DMD: variants seen among roughly 807,000 people sequenced by gnomAD.
DMD encodes the protein mutant dystrophin.
A neutral mutation model predicts 330.1 loss-of-function variants in DMD; 63 were observed. The ratio of observed to expected loss-of-function variants is 0.19; its 90% CI spans 0.16 to 0.24. DMD has a LOEUF of 0.24. Ranked by LOEUF, DMD falls within the 10% of genes least tolerant of loss-of-function variation. The pLI is 1.00. For synonymous variants in DMD, 1,223 were observed against 959.8 expected (o/e 1.27, Z -5.07); for missense variants, 3,344 against 2,684.1 (o/e 1.25, Z -5.43).
intron 1 of DMD, among the ~76,000 whole-genome samples, chrX:33,242,836 C>G (rs1388046626): frequency 9.0e-6 from 1 of 111,484 alleles, no homozygotes. Flanking sequence ...TTTGCATTTC[C>G]CTGATCATTA....
At chrX:31,744,934 T>C (rs187781330) in intron 51 of DMD, among the ~76,000 whole-genome samples, 120 of 112,328 alleles carry the variant, frequency 1.1e-3, no homozygotes, top group South Asian at 4.8e-3. Context: ...GAACTTTCAA[T>C]GCAGTTGGGG....
intron 9 of DMD, among the ~76,000 whole-genome samples, chrX:32,662,825 A>T (rs1348462064): frequency 1.8e-5 from 2 of 111,941 alleles, no homozygotes; most frequent in African/African-American, 6.5e-5. Context: ...CAGCATTTAG[A>T]GATATCACAC....
intron 55 of DMD, among the ~76,000 whole-genome samples, chrX:31,529,944 T>G (rs545337690): frequency 9.0e-6 from 1 of 110,993 alleles, no homozygotes; most frequent in South Asian, 3.8e-4. Flanking sequence ...CGACATCTAT[T>G]GTGTATTATC....
At chrX:31,764,821 T>C (rs1327508310) in intron 51 of DMD, among the ~76,000 whole-genome samples, 1 of 111,841 alleles carries the variant, frequency 8.9e-6, no homozygotes, top group Non-Finnish European at 1.9e-5. Flanking sequence ...TATATTCTTT[T>C]CTTGAATAAA....
At chrX:32,773,516 ATTTT>A (rs35272633) in intron 7 of DMD, among the ~76,000 whole-genome samples, 6 of 90,273 alleles carry the variant, frequency 6.6e-5, no homozygotes, top group Non-Finnish European at 8.9e-5. Flanking sequence ...TATACTTTTT[ATTTT>A]TTTTTTTTTT....
At chrX:31,526,865 G>A (rs1046503482) in intron 55 of DMD, among the ~76,000 whole-genome samples, 3 of 112,289 alleles carry the variant, frequency 2.7e-5, no homozygotes, top group Non-Finnish European at 5.6e-5. Context: ...ATTCCAGCAC[G>A]TTGTCAGGCC....
intron 7 of DMD, among the ~76,000 whole-genome samples, chrX:32,791,409 G>A (rs746051064): frequency 1.9e-4 from 21 of 111,667 alleles, no homozygotes; most frequent in African/African-American, 4.5e-4. Flanking sequence ...GGACAGGCAC[G>A]CTCAACCAAC....
At chrX:33,009,997 C>A (rs1267836186) in intron 2 of DMD, among the ~76,000 whole-genome samples, 1 of 25,354 alleles carries the variant, frequency 3.9e-5, no homozygotes, top group South Asian at 1.6e-3. Context: ...TGTATATACA[C>A]GTATGTATGT....
chrX:32,796,388 CT>C (rs777896409), intron 7 of DMD, among the ~76,000 whole-genome samples: 29 of 111,089 alleles, frequency 2.6e-4, no homozygotes, highest in African/African-American at 8.8e-4. Context: ...CATTTTCTTA[CT>C]CATATATAGG....
At chrX:32,417,996 G>A (rs1296913648) in intron 29 of DMD, among the ~76,000 whole-genome samples, 8 of 110,479 alleles carry the variant, frequency 7.2e-5, no homozygotes, top group African/African-American at 2.6e-4. Context: ...GTGTAAGATG[G>A]AATCTAACCA....
chrX:32,368,358 G>C (rs1202460411), intron 34 of DMD, among the ~76,000 whole-genome samples: 1 of 111,238 alleles, frequency 9.0e-6, no homozygotes, highest in Non-Finnish European at 1.9e-5. Context: ...GCCATGGCTG[G>C]AATAAGCATG....
At chrX:32,561,265 C>T (rs745692368) in intron 16 of DMD, among the ~76,000 whole-genome samples, 7 of 111,145 alleles carry the variant, frequency 6.3e-5, no homozygotes, top group African/African-American at 1.6e-4. Context: ...CACGATAAAA[C>T]GTAACAGGAG....
intron 50 of DMD, among the ~76,000 whole-genome samples, chrX:31,816,812 A>ACC (rs2092641900): frequency 9.1e-6 from 1 of 109,331 alleles, no homozygotes. Flanking sequence ...ACACACACAC[A>ACC]CACACACACA....
At chrX:32,484,425 G>C (rs1421206960) in intron 21 of DMD, among the ~76,000 whole-genome samples, 1 of 112,175 alleles carries the variant, frequency 8.9e-6, no homozygotes, top group Non-Finnish European at 1.9e-5. Flanking sequence ...TAGGATTTAT[G>C]TAATTATAGT....
chrX:31,970,839 G>C (rs996983337), intron 44 of DMD, among the ~76,000 whole-genome samples: 1 of 111,603 alleles, frequency 9.0e-6, no homozygotes, highest in East Asian at 2.8e-4. Flanking sequence ...CATCGTGCAA[G>C]CATCAGTGAC....
At chrX:32,452,257 C>T (rs774465954) in intron 26 of DMD, among the ~76,000 whole-genome samples, 37 of 95,970 alleles carry the variant, frequency 3.9e-4, no homozygotes, top group African/African-American at 1.3e-3. Context: ...AGAGAAAAGG[C>T]CATATGAGTG....
At chrX:32,458,954 A>G (rs2098372616) in intron 25 of DMD, among the ~76,000 whole-genome samples, 1 of 111,002 alleles carries the variant, frequency 9.0e-6, no homozygotes, top group African/African-American at 3.3e-5. Flanking sequence ...TAGAATCTAA[A>G]ATAGTCAAAC....
intron 51 of DMD, among the ~76,000 whole-genome samples, chrX:31,741,965 T>C (rs1331909702): frequency 8.9e-6 from 1 of 112,259 alleles, no homozygotes; most frequent in African/African-American, 3.2e-5. Context: ...AGCTTCTCCA[T>C]CAGCACTTGT....
At chrX:31,716,650 A>G (rs535548330) in intron 52 of DMD, among the ~76,000 whole-genome samples, 1 of 111,655 alleles carries the variant, frequency 9.0e-6, no homozygotes, top group South Asian at 3.7e-4. Flanking sequence ...GCTTAAAGGC[A>G]TAGAAATTAA....
Sources: gnomAD v4.1 joint callset for allele counts (sites outside exome capture counted in the v4.1 genomes callset) on GRCh38, gnomAD v4.1.1 for gene constraint, MANE v1.5 for transcripts, NCBI Gene and HGNC (gene_info 2026-07-23, HGNC 2026-07-21) for gene names.